ZBTB43: variants seen among roughly 807,000 people sequenced by gnomAD.
ZBTB43 encodes zinc finger and BTB domain containing 43.
In ZBTB43, 6 loss-of-function variants were observed where a neutral mutation model predicts 31.1. The ratio of observed to expected loss-of-function variants is 0.19; its 90% CI spans 0.11 to 0.38. The LOEUF (loss-of-function observed/expected upper bound fraction) is 0.38. Ranked by LOEUF, ZBTB43 falls within the 10% of genes least tolerant of loss-of-function variation. The pLI is 1.00. For missense variants in ZBTB43, 379 were observed against 602.1 expected (o/e 0.63, Z 3.88); for synonymous variants, 212 against 221.7 (o/e 0.96, Z 0.39).
At chr9:126,830,738 GTT>G (rs57767239) in intron 2 of ZBTB43, among the ~76,000 whole-genome samples, 6 of 140,360 alleles carry the variant, frequency 4.3e-5, no homozygotes, top group Non-Finnish European at 4.7e-5. Flanking sequence ...CGTTTGGGTG[GTT>G]TTTTTTTTTT....
chr9:126,807,957 C>T (rs1289058689), intron 1 of ZBTB43, among the ~76,000 whole-genome samples: 1 of 152,010 alleles, frequency 6.6e-6, no homozygotes, highest in Non-Finnish European at 1.5e-5. Flanking sequence ...CTTTTCAACT[C>T]TATTTATATT....
In ZBTB43 at chr9:126,838,019, A is replaced by G. The variant is rs2032920562; in HGVS notation, c.*4106A>G. The G allele has an allele frequency of 6.0e-6, 1 of 166,928 alleles. No homozygotes were observed. The highest frequency in any genetic ancestry group is 1.5e-5 in the Non-Finnish European group (1 of 68,098). The allele number at this position is 166,928 out of a possible 1,614,324, so 10.3% of individuals were successfully genotyped here. ...CAGATTATCATTAGGTGCATATCTT[A>G]TTGATATTTTGTGAAATGTTATGCC... is the stretch of plus-strand genomic sequence containing the variant. On this transcript the variant is annotated 3_prime_UTR_variant, in exon 3 of 3. Transcript: ENST00000373464.
intron 2 of ZBTB43, chr9:126,831,688 C>A (rs1050314832): frequency 6.6e-6 from 1 of 151,818 alleles, no homozygotes; most frequent in Admixed American, 6.6e-5. Flanking sequence ...CGTGGTGGCT[C>A]ACACCTGTAA....
intron 1 of ZBTB43, among the ~76,000 whole-genome samples, chr9:126,806,140 A>G (rs2119099947): frequency 6.6e-6 from 1 of 152,144 alleles, no homozygotes; most frequent in African/African-American, 2.4e-5. Flanking sequence ...TCCACTCACC[A>G]CAGGATGGTC....
intron 2 of ZBTB43, among the ~76,000 whole-genome samples, chr9:126,812,586 T>TGTCA (rs1209940081): frequency 1.3e-5 from 2 of 152,318 alleles, no homozygotes; most frequent in South Asian, 4.2e-4. Context: ...TGTTATTGTC[T>TGTCA]GTCTGTCTTT....
chr9:126,826,264 G>A (rs1420800082), intron 2 of ZBTB43, among the ~76,000 whole-genome samples: 5 of 149,124 alleles, frequency 3.4e-5, no homozygotes, highest in African/African-American at 4.9e-5. Context: ...CACCCATCTC[G>A]GCCTCCCAAA....
Position 126,834,666 on chromosome 9 carries a change from G to T in ZBTB43, c.*753G>T, listed in dbSNP as rs1165731145. On this transcript the variant is annotated 3_prime_UTR_variant, in exon 3 of 3. Transcript: ENST00000373464. Reference sequence around the variant, plus strand: ...TTTTATCTAATTGTAATTCTCTAGGGTGCCAGAGATAGGTATTTCTCATTG... The same window carrying T: ...TTTTATCTAATTGTAATTCTCTAGGTTGCCAGAGATAGGTATTTCTCATTG... The T allele has an allele frequency of 6.0e-6, 1 of 166,880 alleles. No individual in the cohort carries two copies. Among genetic ancestry groups the T allele is most frequent in the Non-Finnish European group, 1.5e-5 (1 of 68,096 alleles). 10.3% of individuals were successfully genotyped at this position (166,880 alleles called of 1,614,324 possible).
intron 2 of ZBTB43, among the ~76,000 whole-genome samples, chr9:126,822,283 A>G (rs2032530159): frequency 1.3e-5 from 2 of 151,956 alleles, no homozygotes; most frequent in African/African-American, 2.4e-5. Flanking sequence ...CCTGATTTAG[A>G]ATATAAACTT....
chr9:126,810,863 A>T (rs982826262), intron 2 of ZBTB43, among the ~76,000 whole-genome samples: 2 of 152,094 alleles, frequency 1.3e-5, no homozygotes, highest in Admixed American at 1.3e-4. Context: ...ATTGTATATA[A>T]TAAAATTATA....
chr9:126,819,064 A>G (rs767703225), intron 2 of ZBTB43, among the ~76,000 whole-genome samples: 6 of 152,116 alleles, frequency 3.9e-5, no homozygotes, highest in Non-Finnish European at 7.4e-5. Context: ...CCACATATTT[A>G]TTAGTTTTTC....
chr9:126,823,100 A>G (rs1264429852), intron 2 of ZBTB43, among the ~76,000 whole-genome samples: 1 of 152,146 alleles, frequency 6.6e-6, no homozygotes, highest in Non-Finnish European at 1.5e-5. Flanking sequence ...GTATGCCTGT[A>G]TATGTCTTTA....
chr9:126,825,113 G>T (rs1316302042), intron 2 of ZBTB43, among the ~76,000 whole-genome samples: 1 of 151,822 alleles, frequency 6.6e-6, no homozygotes, highest in Non-Finnish European at 1.5e-5. Flanking sequence ...CCTGGCTATT[G>T]TATTTTTGGT....
chr9:126,824,757 C>G (rs1226253898), intron 2 of ZBTB43, among the ~76,000 whole-genome samples: 2 of 152,152 alleles, frequency 1.3e-5, no homozygotes, highest in Non-Finnish European at 2.9e-5. Flanking sequence ...TGTCTTTATC[C>G]TGCCTAGAGT....
chr9:126,827,908 G>A (rs1383924687), intron 2 of ZBTB43, among the ~76,000 whole-genome samples: 4 of 152,082 alleles, frequency 2.6e-5, no homozygotes, highest in African/African-American at 9.7e-5. Context: ...AGCTACTTGG[G>A]AGGCTGAGGC....
chr9:126,833,979 C>A lies in ZBTB43; in HGVS notation c.*66C>A, dbSNP rs1322162694. On this transcript the variant is annotated 3_prime_UTR_variant, in exon 3 of 3. Transcript: ENST00000373464. The surrounding 1 kb of genome is among the most constrained non-coding windows in gnomAD (Gnocchi z 7.9). Reference sequence around the variant, plus strand: ...CTATGGTAATTAATGCAAATCTGGGCACAGATGATGCGTGCTACTTGCTAT... The same window carrying A: ...CTATGGTAATTAATGCAAATCTGGGAACAGATGATGCGTGCTACTTGCTAT... 2.1e-6 allele frequency: 3 copies of A among 1,447,456 alleles called. No homozygotes were observed. The highest frequency in any genetic ancestry group is 2.3e-5 in the East Asian group (1 of 43,294). The allele number at this position is 1,447,456 out of a possible 1,614,324, so 89.7% of individuals were successfully genotyped here.
chr9:126,818,460 G>C (rs1363072250), intron 2 of ZBTB43, among the ~76,000 whole-genome samples: 1 of 151,946 alleles, frequency 6.6e-6, no homozygotes, highest in African/African-American at 2.4e-5. Context: ...GCCCAGACTG[G>C]TCTCAAACTT....
At chr9:126,806,727 T>G (rs2032134667) in intron 1 of ZBTB43, among the ~76,000 whole-genome samples, 1 of 152,248 alleles carries the variant, frequency 6.6e-6, no homozygotes, top group African/African-American at 2.4e-5. Flanking sequence ...TTTTCAAAAT[T>G]CATTCTGTAG....
At chr9:126,817,502 G>A (rs1234451964) in intron 2 of ZBTB43, among the ~76,000 whole-genome samples, 1 of 148,158 alleles carries the variant, frequency 6.7e-6, no homozygotes, top group East Asian at 2.0e-4. Flanking sequence ...TTGAGACGGA[G>A]TCTCGCTCTG....
Position 126,817,477 on chromosome 9 carries a change from GT to G in ZBTB43, c.-24+8578del, listed in dbSNP as rs373778326. On this transcript the variant is annotated intron_variant, in intron 2 of 2. Coordinates refer to ENST00000373464, the MANE Select transcript of ZBTB43 (RefSeq NM_014007.4). Reference sequence around the variant, plus strand: ...TACATTGAATATAATGTTCCATGAAGTTTTTTTTTTTTTTTTGAGACGGAGT... The same window carrying G: ...TACATTGAATATAATGTTCCATGAAGTTTTTTTTTTTTTTTGAGACGGAGT... Among the ~76,000 whole-genome samples, 163 of 127,744 alleles carry G rather than the reference GT, an allele frequency of 1.3e-3. 1 individual carries two copies. The highest frequency in any genetic ancestry group is 1.9e-3 in the East Asian group (8 of 4,200). 83.8% of individuals were successfully genotyped at this position (127,744 alleles called of 152,430 possible). A position where few individuals can be genotyped will look rare whatever the true frequency, so the allele number is the denominator to read the frequency against.
Sources: allele counts gnomAD v4.1 joint callset (sites outside exome capture counted in the v4.1 genomes callset), GRCh38; gene constraint gnomAD v4.1.1; non-coding constraint Gnocchi (gnomAD v3.1); transcripts MANE v1.5; gene names NCBI Gene and HGNC (gene_info 2026-07-23, HGNC 2026-07-21).